Variants in CADPS2 observed in about 807,000 individuals in gnomAD.
The protein encoded by CADPS2 is calcium-dependent secretion activator 2.
Under a neutral mutation model 172.5 loss-of-function variants are expected in CADPS2, and 93 were observed. That is an observed-to-expected ratio of 0.54 (90% confidence interval 0.46 to 0.64). The LOEUF is 0.64. Among genes scored for constraint, CADPS2 ranks in the 30% least tolerant of loss-of-function variants. CADPS2 has a pLI of 0.00. For missense variants in CADPS2, 1,420 were observed against 1,565.9 expected, an observed-to-expected ratio of 0.91 and a Z score of 1.57; for synonymous variants, 546 against 555.2, an observed-to-expected ratio of 0.98 and a Z score of 0.23.
At chr7:122,541,448 CGCCCGCCTCAGCCTCCCAAA>C (rs1258575024) in intron 8 of CADPS2, among the ~76,000 whole-genome samples, 1 of 148,006 alleles carries the variant, frequency 6.8e-6, no homozygotes, top group Non-Finnish European at 1.5e-5. Flanking sequence ...TCAGGTGATC[CGCCCGCCTCAGCCTCCCAAA>C]GTGCTGGGAT....
intron 14 of CADPS2, among the ~76,000 whole-genome samples, chr7:122,468,308 A>G (rs1183095669): frequency 6.6e-6 from 1 of 152,236 alleles, no homozygotes; most frequent in Non-Finnish European, 1.5e-5. Context: ...GAAAAACCAG[A>G]CTTGACATTG....
intron 3 of CADPS2, among the ~76,000 whole-genome samples, chr7:122,662,802 A>T (rs1453154727): frequency 6.6e-6 from 1 of 152,214 alleles, no homozygotes; most frequent in African/African-American, 2.4e-5. Flanking sequence ...TGAGTTAAAT[A>T]AAAAAATTTG....
intron 3 of CADPS2, among the ~76,000 whole-genome samples, chr7:122,639,209 C>A (rs541433433): frequency 2.4e-4 from 37 of 152,210 alleles, no homozygotes; most frequent in African/African-American, 8.4e-4. Flanking sequence ...GGTTAACGTT[C>A]TTTTTTACAT....
chr7:122,852,182 T>A (rs1479884964), intron 1 of CADPS2, among the ~76,000 whole-genome samples: 1 of 152,218 alleles, frequency 6.6e-6, no homozygotes, highest in Non-Finnish European at 1.5e-5. Flanking sequence ...ACATTAAATA[T>A]AATTAACACA....
At chr7:122,584,936 T>C (rs1172269635) in intron 6 of CADPS2, among the ~76,000 whole-genome samples, 1 of 151,930 alleles carries the variant, frequency 6.6e-6, no homozygotes, top group Non-Finnish European at 1.5e-5. Context: ...TTTCCATGAG[T>C]GCTCACAAAG....
intron 4 of CADPS2, 89 bp from the exon 5 acceptor site, chr7:122,621,806 C>T: frequency 1.1e-5 from 8 of 745,590 alleles, no homozygotes; most frequent in Non-Finnish European, 1.7e-5. Context: ...ACTTCACTGT[C>T]TTAGAAATTA....
At chr7:122,527,697 T>C (rs1021630766) in intron 8 of CADPS2, among the ~76,000 whole-genome samples, 7 of 151,262 alleles carry the variant, frequency 4.6e-5, no homozygotes, top group African/African-American at 1.7e-4. Flanking sequence ...AGTATTATTA[T>C]GACACGTATT....
At chr7:122,567,773 G>C (rs558083826) in intron 7 of CADPS2, among the ~76,000 whole-genome samples, 2 of 152,020 alleles carry the variant, frequency 1.3e-5, no homozygotes, top group Admixed American at 1.3e-4. Flanking sequence ...CCTCTGATGA[G>C]TTAAAACAAC....
intron 20 of CADPS2, among the ~76,000 whole-genome samples, chr7:122,397,180 T>G (rs977010944): frequency 2.0e-5 from 3 of 152,226 alleles, no homozygotes; most frequent in African/African-American, 7.2e-5. Flanking sequence ...TCTGGTCAGT[T>G]ATGAATCTTG....
chr7:122,409,075 C>T (rs2047004219), intron 19 of CADPS2, among the ~76,000 whole-genome samples: 1 of 152,126 alleles, frequency 6.6e-6, no homozygotes, highest in Non-Finnish European at 1.5e-5. Flanking sequence ...ATTGAGCATA[C>T]TGTTTTTTGC....
At chr7:122,410,055 T>C (rs1244602253) in intron 19 of CADPS2, among the ~76,000 whole-genome samples, 1 of 152,096 alleles carries the variant, frequency 6.6e-6, no homozygotes, top group Non-Finnish European at 1.5e-5. Context: ...TTAAAAAACT[T>C]ACTACTGGCA....
At chr7:122,816,543 A>G (rs1801468232) in intron 1 of CADPS2, among the ~76,000 whole-genome samples, 1 of 152,214 alleles carries the variant, frequency 6.6e-6, no homozygotes, top group South Asian at 2.1e-4. Flanking sequence ...TTTCTTTTGG[A>G]CATACAGCAG....
intron 1 of CADPS2, among the ~76,000 whole-genome samples, chr7:122,799,603 C>CAAAAAAAA (rs58187843): frequency 8.3e-5 from 4 of 48,260 alleles, no homozygotes; most frequent in Admixed American, 2.3e-4. Flanking sequence ...GATTCCATCT[C>CAAAAAAAA]AAAAAAAAAA....
At chr7:122,785,259 T>A (rs1222716252) in intron 1 of CADPS2, among the ~76,000 whole-genome samples, 1 of 152,220 alleles carries the variant, frequency 6.6e-6, no homozygotes, top group Non-Finnish European at 1.5e-5. Flanking sequence ...GTTCTGACTG[T>A]CTGGTGTTCC....
intron 20 of CADPS2, among the ~76,000 whole-genome samples, chr7:122,401,877 C>T (rs557132764): frequency 6.6e-6 from 1 of 152,172 alleles, no homozygotes; most frequent in African/African-American, 2.4e-5. Context: ...GGGACAGTTG[C>T]TAAAATTGTG....
At chr7:122,699,005 C>A (rs2085610236) in intron 2 of CADPS2, 1 of 947,558 alleles carries the variant, frequency 1.1e-6, no homozygotes, top group Non-Finnish European at 1.6e-6. Context: ...AGAAAAAAAT[C>A]TTCAGGATAC....
intron 8 of CADPS2, among the ~76,000 whole-genome samples, chr7:122,544,635 G>C (rs904946021): frequency 1.3e-5 from 2 of 152,144 alleles, no homozygotes; most frequent in African/African-American, 4.8e-5. Flanking sequence ...TGCTTTACCA[G>C]TGGGCTAGCC....
intron 8 of CADPS2, among the ~76,000 whole-genome samples, chr7:122,550,893 T>C (rs2064196427): frequency 2.0e-5 from 3 of 152,178 alleles, no homozygotes; most frequent in Non-Finnish European, 2.9e-5. Context: ...TTAGTTTAGA[T>C]GACATATTCC....
intron 17 of CADPS2, among the ~76,000 whole-genome samples, chr7:122,419,410 G>T (rs2048298651): frequency 6.6e-6 from 1 of 152,132 alleles, no homozygotes; most frequent in Non-Finnish European, 1.5e-5. Context: ...CAAAAACTTT[G>T]TCAGAAAATG....
Sources: gnomAD v4.1 joint callset for allele counts (sites outside exome capture counted in the v4.1 genomes callset) on GRCh38, gnomAD v4.1.1 for gene constraint, MANE v1.5 for transcripts, NCBI Gene and HGNC (gene_info 2026-07-23, HGNC 2026-07-21) for gene names.